TTC7A: variants seen among roughly 807,000 people sequenced by gnomAD.
TTC7A encodes the protein tetratricopeptide repeat protein 7A.
In TTC7A, 110 loss-of-function variants were observed where a neutral mutation model predicts 103.7. That is an observed-to-expected ratio of 1.06 (90% CI 0.91 to 1.24). TTC7A has a LOEUF of 1.24. TTC7A is among the 50% of genes most tolerant of loss of function. The pLI is 0.00. For synonymous variants in TTC7A, 521 were observed against 467.9 expected (o/e 1.11, Z -1.47); for missense variants, 1,340 against 1,116.3 (o/e 1.20, Z -2.86).
At chr2:46,942,246 CG>C (rs1175408495) in intron 1 of TTC7A, among the ~76,000 whole-genome samples, 4 of 152,162 alleles carry the variant, frequency 2.6e-5, no homozygotes, top group African/African-American at 9.7e-5. Context: ...GTGGCGATCT[CG>C]GGACACATCC....
At chr2:46,933,425 A>T (rs1195940431) in intron 2 of TTC7A, among the ~76,000 whole-genome samples, 2 of 152,266 alleles carry the variant, frequency 1.3e-5, no homozygotes, top group African/African-American at 4.8e-5. Flanking sequence ...AGCACAAAGA[A>T]TTCATGATTC....
At chr2:46,995,331 T>G (rs369910962) in intron 8 of TTC7A, 132 bp downstream of exon 8, 1 of 886,274 alleles carries the variant, frequency 1.1e-6, no homozygotes, top group East Asian at 2.7e-5. Context: ...AGTAGATGCT[T>G]CTTGGCCCTG....
chr2:46,965,198 A>G (rs772331302), intron 3 of TTC7A, among the ~76,000 whole-genome samples: 2 of 152,238 alleles, frequency 1.3e-5, no homozygotes, highest in Non-Finnish European at 2.9e-5. Flanking sequence ...ACCCCAAGGT[A>G]TTCTGCTGTC....
chr2:46,973,439 G>C (rs755949411), intron 3 of TTC7A, among the ~76,000 whole-genome samples: 1 of 152,192 alleles, frequency 6.6e-6, no homozygotes, highest in Non-Finnish European at 1.5e-5. Flanking sequence ...TTTATCCCCC[G>C]TCAGGGAGGG....
At chr2:47,055,504 T>C (rs1216149632) in intron 18 of TTC7A, among the ~76,000 whole-genome samples, 2 of 152,074 alleles carry the variant, frequency 1.3e-5, no homozygotes, top group African/African-American at 2.4e-5. Flanking sequence ...CAGAGTCCCA[T>C]AGATGCTCCA....
intron 5 of TTC7A, among the ~76,000 whole-genome samples, chr2:46,986,028 C>G (rs1674973580): frequency 1.3e-5 from 2 of 152,300 alleles, no homozygotes; most frequent in South Asian, 2.1e-4. Context: ...AGTGTGACAC[C>G]TGGAAATGGC....
intron 11 of TTC7A, among the ~76,000 whole-genome samples, chr2:47,015,700 GC>G (rs1678577990): frequency 6.6e-6 from 1 of 152,176 alleles, no homozygotes; most frequent in Non-Finnish European, 1.5e-5. Context: ...CACCGTTACA[GC>G]CCCTTGAAAA....
At chr2:46,958,971 C>T (rs1039485675) in intron 3 of TTC7A, among the ~76,000 whole-genome samples, 2 of 152,166 alleles carry the variant, frequency 1.3e-5, no homozygotes, top group Non-Finnish European at 2.9e-5. Flanking sequence ...CCTCGTTGAG[C>T]CCCCTCTGTA....
chr2:47,005,833 G>T (rs867991370), intron 8 of TTC7A, 89 bp from the exon 9 acceptor site: 3 of 1,474,162 alleles, frequency 2.0e-6, no homozygotes, highest in East Asian at 4.6e-5. Flanking sequence ...AGGTGATAGC[G>T]GCTGGGCCAG....
chr2:46,988,901 TC>T (rs1052643045), intron 5 of TTC7A, among the ~76,000 whole-genome samples: 1 of 152,200 alleles, frequency 6.6e-6, no homozygotes, highest in African/African-American at 2.4e-5. Flanking sequence ...GCAGGCATCT[TC>T]CAGGCTCTTT....
At chr2:46,998,505 C>T (rs973089423) in intron 8 of TTC7A, among the ~76,000 whole-genome samples, 2 of 152,194 alleles carry the variant, frequency 1.3e-5, no homozygotes, top group Non-Finnish European at 2.9e-5. Context: ...GCTCCATGTA[C>T]CTGCAGGGTT....
At chr2:47,042,764 A>G (rs1046986529) in intron 15 of TTC7A, among the ~76,000 whole-genome samples, 4 of 152,196 alleles carry the variant, frequency 2.6e-5, no homozygotes, top group Non-Finnish European at 5.9e-5. Context: ...TCAGAGAAGG[A>G]CAGCGTGGTC....
chr2:47,011,198 C>G, intron 10 of TTC7A, 133 bp from the exon 11 acceptor site: 1 of 754,612 alleles, frequency 1.3e-6, no homozygotes, highest in Non-Finnish European at 2.1e-6. Context: ...CTTCTCTGCC[C>G]TGGACCTCTT....
At chr2:46,979,357 G>A (rs540110263) in intron 5 of TTC7A, among the ~76,000 whole-genome samples, 2 of 152,196 alleles carry the variant, frequency 1.3e-5, no homozygotes, top group Non-Finnish European at 2.9e-5. Context: ...GTTCATTCCG[G>A]CTTTTAAGGA....
At chr2:47,009,100 G>T (rs1677743309) in intron 10 of TTC7A, among the ~76,000 whole-genome samples, 1 of 152,106 alleles carries the variant, frequency 6.6e-6, no homozygotes, top group African/African-American at 2.4e-5. Context: ...GGCTTGCTGG[G>T]GTGTGGATGG....
At chr2:47,018,867 A>G (rs1005604875) in intron 11 of TTC7A, among the ~76,000 whole-genome samples, 9 of 152,160 alleles carry the variant, frequency 5.9e-5, no homozygotes, top group African/African-American at 1.7e-4. Flanking sequence ...TGACTTGCCC[A>G]AGGTTAGCAA....
chr2:47,003,480 A>T (rs1677051759), intron 8 of TTC7A, among the ~76,000 whole-genome samples: 1 of 152,172 alleles, frequency 6.6e-6, no homozygotes, highest in Non-Finnish European at 1.5e-5. Context: ...GTTCCATGTC[A>T]CTGGAGAGAA....
chr2:46,980,935 C>T (rs1674388928), intron 5 of TTC7A, among the ~76,000 whole-genome samples: 1 of 152,202 alleles, frequency 6.6e-6, no homozygotes. Context: ...GGAAGAGGCG[C>T]ATAGGGCTAG....
chr2:46,952,234 T>G (rs1671479734), intron 2 of TTC7A, among the ~76,000 whole-genome samples: 1 of 152,178 alleles, frequency 6.6e-6, no homozygotes, highest in Non-Finnish European at 1.5e-5. Flanking sequence ...TGCCTGACCC[T>G]GAGCATGCTT....
Sources: allele counts gnomAD v4.1 joint callset (sites outside exome capture counted in the v4.1 genomes callset), GRCh38; gene constraint gnomAD v4.1.1; transcripts MANE v1.5; gene names NCBI Gene and HGNC (gene_info 2026-07-23, HGNC 2026-07-21).